The following GBE1 variants were observed in gnomAD, a reference collection of about 807,000 sequenced individuals.
GBE1 encodes 1,4-alpha-glucan-branching enzyme.
GBE1 carries 70 observed loss-of-function variants against 88.8 expected under a neutral mutation model. The observed-to-expected ratio is 0.79, with a 90% CI of 0.65 to 0.96. The LOEUF (loss-of-function observed/expected upper bound fraction) is 0.96, where lower values mean the gene tolerates loss of function less well. GBE1 is among the 40% of genes least tolerant of loss of function. GBE1 has a pLI of 0.00. For synonymous variants in GBE1, 284 were observed against 300.1 expected (o/e 0.95, Z 0.56); for missense variants, 872 against 871.0 (o/e 1.00, Z -0.01).
intron 4 of GBE1, 29 bp downstream of exon 4, chr3:81,649,767 T>A: frequency 6.4e-7 from 1 of 1,556,250 alleles, no homozygotes; most frequent in Non-Finnish European, 8.7e-7. Flanking sequence ...ATTGGAACAA[T>A]AATTTATTTA....
chr3:81,532,655 C>T (rs577208142), intron 14 of GBE1, among the ~76,000 whole-genome samples: 2 of 152,062 alleles, frequency 1.3e-5, no homozygotes, highest in East Asian at 3.9e-4. Flanking sequence ...GCTCCCTAGT[C>T]AAAAACCTGC....
intron 1 of GBE1, among the ~76,000 whole-genome samples, chr3:81,718,403 T>C (rs1050686118): frequency 2.0e-5 from 3 of 152,328 alleles, no homozygotes; most frequent in African/African-American, 7.2e-5. Context: ...TTCCAGGCAT[T>C]GTTCTAACTT....
intron 3 of GBE1, among the ~76,000 whole-genome samples, chr3:81,667,525 G>A (rs1705128634): frequency 1.3e-5 from 2 of 152,098 alleles, no homozygotes; most frequent in African/African-American, 4.8e-5. Flanking sequence ...TCTTGTATCA[G>A]TTTTCAAAGG....
chr3:81,563,150 G>C (rs575605057), intron 12 of GBE1, among the ~76,000 whole-genome samples: 1 of 151,948 alleles, frequency 6.6e-6, no homozygotes, highest in African/African-American at 2.4e-5. Context: ...GGCAGAGTCC[G>C]GTATTCAGTC....
chr3:81,544,792 A>G (rs1337752421), intron 12 of GBE1, among the ~76,000 whole-genome samples: 2 of 152,206 alleles, frequency 1.3e-5, no homozygotes, highest in East Asian at 3.9e-4. Flanking sequence ...GGTCCAAACT[A>G]TAACTTGACA....
Position 81,591,158 on chromosome 3 carries a change from C to G in GBE1, c.1115G>C (p.Gly372Ala). 2 of 1,598,090 alleles carry G rather than the reference C, an allele frequency of 1.3e-6. No homozygotes were observed. The highest frequency in any genetic ancestry group is 1.1e-5 in the South Asian group (1 of 88,440). The change falls in exon 9 of 16, where the codon GGT (glycine) becomes GCT (alanine). Residue 372 changes from glycine (G) to alanine (A), a missense_variant. By Grantham distance (60) the Gly-to-Ala change is moderately conservative. Coordinates refer to ENST00000429644, the MANE Select transcript of GBE1 (RefSeq NM_000158.4). The stretch of plus-strand genomic sequence containing the variant: ...ATATTCACTGTAATCACCTGAGAAA[C>G]CTTGACCTTAGAAAAAGAAAATCAA... ...MLYHHHGVGQGFSGDYSEYFG... is the reference protein window; with the variant it reads ...MLYHHHGVGQAFSGDYSEYFG...
chr3:81,668,817 C>T (rs566751068), intron 3 of GBE1, among the ~76,000 whole-genome samples: 12 of 152,296 alleles, frequency 7.9e-5, no homozygotes, highest in African/African-American at 2.6e-4. Flanking sequence ...GCCTCTTCCA[C>T]ACACCTAGCT....
intron 12 of GBE1, among the ~76,000 whole-genome samples, chr3:81,576,610 T>G (rs1703650000): frequency 6.6e-6 from 1 of 152,096 alleles, no homozygotes; most frequent in Admixed American, 6.5e-5. Flanking sequence ...CTGAGTCAGG[T>G]AGAACCATTG....
At chr3:81,720,028 T>A (rs1488720693) in intron 1 of GBE1, among the ~76,000 whole-genome samples, 4 of 151,998 alleles carry the variant, frequency 2.6e-5, no homozygotes, top group Non-Finnish European at 4.4e-5. Context: ...TCAAAGAATC[T>A]CAGGAGATAT....
intron 7 of GBE1, among the ~76,000 whole-genome samples, chr3:81,609,509 G>A (rs6809373): frequency 0.65 from 99,144 of 151,966 alleles, 34,076 homozygotes; most frequent in East Asian, 0.91. Context: ...ATATATTTCT[G>A]TACTTCTAAA....
chr3:81,491,906 T>C (rs1702441111), intron 15 of GBE1, among the ~76,000 whole-genome samples: 1 of 152,220 alleles, frequency 6.6e-6, no homozygotes. Flanking sequence ...CATACTACTC[T>C]TAAAAAAATC....
intron 13 of GBE1, among the ~76,000 whole-genome samples, chr3:81,535,842 CT>C (rs577070504): frequency 4.3e-4 from 66 of 152,014 alleles, no homozygotes; most frequent in Admixed American, 7.2e-4. Flanking sequence ...AATTACAATA[CT>C]TTTTTTTCTT....
intron 15 of GBE1, among the ~76,000 whole-genome samples, chr3:81,496,507 G>A (rs1337466804): frequency 6.6e-6 from 1 of 152,196 alleles, no homozygotes; most frequent in Non-Finnish European, 1.5e-5. Flanking sequence ...TTTCATGGAA[G>A]AAGGAAAAGT....
chr3:81,539,225 A>G (rs1703115580), intron 12 of GBE1, among the ~76,000 whole-genome samples: 1 of 152,028 alleles, frequency 6.6e-6, no homozygotes, highest in Non-Finnish European at 1.5e-5. Context: ...GTTGTGCACA[A>G]GTAAATTCTA....
At chr3:81,547,129 C>T (rs769243818) in intron 12 of GBE1, among the ~76,000 whole-genome samples, 5 of 151,414 alleles carry the variant, frequency 3.3e-5, no homozygotes, top group East Asian at 1.9e-4. Context: ...TGCATATACC[C>T]GAGTGAAGAG....
intron 7 of GBE1, among the ~76,000 whole-genome samples, chr3:81,613,980 A>G (rs1164913373): frequency 2.0e-5 from 3 of 151,988 alleles, no homozygotes. Context: ...GCATTCATAA[A>G]CTCTGAAACA....
rs532817368 is a variant in GBE1 at position 81,556,780 on chromosome 3, T to C, written c.1619-19685A>G. ...GAATATAAATTAGTCCAGTCTCCAG[T>C]TAAATAAAGAATTTCTCCTATAGAA... On this transcript the variant is annotated intron_variant, in intron 12 of 15. Coordinates refer to ENST00000429644, the MANE Select transcript of GBE1 (RefSeq NM_000158.4). 1.1e-4 allele frequency among the ~76,000 whole-genome samples: 17 copies of C among 152,180 alleles called. 1 individual carries two copies. The South Asian group carries it at 3.5e-3, about 32-fold the overall frequency.
chr3:81,708,618 A>G (rs1282191031), intron 1 of GBE1, among the ~76,000 whole-genome samples: 1 of 152,154 alleles, frequency 6.6e-6, no homozygotes, highest in Non-Finnish European at 1.5e-5. Flanking sequence ...GAAAATTTCA[A>G]AATCACACTC....
chr3:81,672,601 T>C (rs1705203751), intron 2 of GBE1, among the ~76,000 whole-genome samples: 1 of 151,972 alleles, frequency 6.6e-6, no homozygotes. Flanking sequence ...ATCAGAAATA[T>C]GAATATGAAA....
Sources: gnomAD v4.1 joint callset for allele counts (sites outside exome capture counted in the v4.1 genomes callset) on GRCh38, gnomAD v4.1.1 for gene constraint, MANE v1.5 for transcripts, NCBI Gene and HGNC (gene_info 2026-07-23, HGNC 2026-07-21) for gene names.